ABCA13: variants seen among roughly 807,000 people sequenced by gnomAD.
ABCA13 encodes ATP-binding cassette sub-family A member 13.
Under a neutral mutation model 478.7 loss-of-function variants are expected in ABCA13, and 476 were observed. The observed-to-expected ratio is 0.99, with a 90% confidence interval of 0.92 to 1.07. The LOEUF (loss-of-function observed/expected upper bound fraction) is 1.07. ABCA13 is among the 50% of genes least tolerant of loss of function. The probability of loss-of-function intolerance (pLI) is 0.00; values close to 1 mark genes in which losing one functional copy is unlikely to be tolerated. For synonymous variants in ABCA13, 2,252 were observed against 2,158.9 expected, an observed-to-expected ratio of 1.04 and a Z score of -1.20; for missense variants, 6,060 against 5,910.6, an observed-to-expected ratio of 1.03 and a Z score of -0.83.
At chr7:48,603,355 T>C (rs1585948505) in intron 58 of ABCA13, among the ~76,000 whole-genome samples, 1 of 152,338 alleles carries the variant, frequency 6.6e-6, no homozygotes, top group South Asian at 2.1e-4. Flanking sequence ...AATATGATAG[T>C]GCCTGTGGGT....
At chr7:48,205,618 A>C (rs1784828159) in intron 3 of ABCA13, among the ~76,000 whole-genome samples, 1 of 152,228 alleles carries the variant, frequency 6.6e-6, no homozygotes, top group African/African-American at 2.4e-5. Flanking sequence ...AAGTCAGTGA[A>C]AAATATTATT....
chr7:48,466,155 A>G (rs1826853523), intron 43 of ABCA13, among the ~76,000 whole-genome samples: 1 of 152,172 alleles, frequency 6.6e-6, no homozygotes, highest in African/African-American at 2.4e-5. Context: ...GCTCATTCTC[A>G]TTCAGTCCAA....
intron 3 of ABCA13, among the ~76,000 whole-genome samples, chr7:48,213,768 C>A (rs992811839): frequency 2.0e-5 from 3 of 152,222 alleles, no homozygotes; most frequent in Non-Finnish European, 2.9e-5. Flanking sequence ...CCTTTGTTAT[C>A]ATTTCAGTAA....
intron 45 of ABCA13, among the ~76,000 whole-genome samples, chr7:48,477,503 A>C (rs1306323579): frequency 6.6e-6 from 1 of 152,002 alleles, no homozygotes; most frequent in Non-Finnish European, 1.5e-5. Flanking sequence ...ATGTCCAACA[A>C]TGATAGACTG....
At chr7:48,346,161 A>T (rs1233593485) in intron 29 of ABCA13, among the ~76,000 whole-genome samples, 1 of 152,152 alleles carries the variant, frequency 6.6e-6, no homozygotes, top group Non-Finnish European at 1.5e-5. Context: ...CTGCCTTTTT[A>T]TGCCGCATTT....
rs117812446 is a variant in ABCA13, at chr7:48,274,207, C to T, written c.4541C>T (p.Ala1514Val). The change falls in exon 17 of 62, where the codon GCA becomes GTA. Residue 1514 changes from alanine to valine, a missense_variant. Coordinates refer to ENST00000435803, the MANE Select transcript of ABCA13 (RefSeq NM_152701.5). ...AACTTAACAACAGACTTTGATTTTG[C>T]ATCTCAGTCCAATTGGAGATATTTT... is the stretch of plus-strand genomic sequence containing the variant. ...INNLTTDFDF[A>V]SQSNWRYFTE... The T allele has an allele frequency of 2.2e-4, 347 of 1,612,538 alleles. 2 individuals are homozygous for T. The East Asian group carries it at 7.2e-3, about 34-fold the overall frequency.
intron 48 of ABCA13, among the ~76,000 whole-genome samples, chr7:48,504,241 T>C (rs1585624308): frequency 6.6e-6 from 1 of 152,150 alleles, no homozygotes; most frequent in Admixed American, 6.5e-5. Context: ...AGATTGGGTT[T>C]CACTTTAAAG....
chr7:48,241,069 A>T lies in ABCA13; in HGVS notation c.1262+3A>T, dbSNP rs1790758911. ...GATAATCATACATTTCCAAAGATGT[A>T]AGTCGCATTTCCCTGTTTGATTATT... On this transcript the variant is annotated splice_donor_region_variant and intron_variant, in intron 10 of 61. Coordinates refer to ENST00000435803, the MANE Select transcript of ABCA13 (RefSeq NM_152701.5). The T allele has an allele frequency of 1.2e-6, 2 of 1,613,840 alleles. No homozygotes were observed.
chr7:48,518,915 G>A (rs1347689401), intron 52 of ABCA13, among the ~76,000 whole-genome samples: 1 of 152,036 alleles, frequency 6.6e-6, no homozygotes, highest in Non-Finnish European at 1.5e-5. Context: ...CCATCACCTA[G>A]GTATTAAGCC....
intron 47 of ABCA13, among the ~76,000 whole-genome samples, chr7:48,485,332 A>G (rs1446428170): frequency 6.6e-6 from 1 of 152,102 alleles, no homozygotes; most frequent in African/African-American, 2.4e-5. Flanking sequence ...AAAGAAGATT[A>G]ATTTCCTATT....
At position 48,489,256 on chromosome 7, in the gene ABCA13, T is replaced by C; in HGVS notation, c.13203T>C (p.Gly4401=). The C allele has an allele frequency of 1.2e-6, 2 of 1,611,892 alleles. No individual in the cohort carries two copies. The highest frequency in any genetic ancestry group is 8.5e-7 in the Non-Finnish European group (1 of 1,178,690). The change falls in exon 48 of 62, where the codon GGT becomes GGC. Residue 4401 remains glycine (G), a synonymous_variant. Coordinates refer to ENST00000435803, the MANE Select transcript of ABCA13 (RefSeq NM_152701.5). ...TLAKVWYNQK[G]FHSLPSYLNH... ...TTTAGGTGTGGTATAATCAGAAGGG[T>C]TTTCATTCCCTACCTTCCTACTTAA...
chr7:48,541,958 G>T (rs1833972366), intron 55 of ABCA13, among the ~76,000 whole-genome samples: 2 of 150,676 alleles, frequency 1.3e-5, no homozygotes, highest in Non-Finnish European at 3.0e-5. Context: ...AAAAATAATG[G>T]CCATTATGCA....
chr7:48,298,727 A>G (rs1799743716), intron 23 of ABCA13, among the ~76,000 whole-genome samples: 1 of 152,194 alleles, frequency 6.6e-6, no homozygotes, highest in Non-Finnish European at 1.5e-5. Flanking sequence ...TATTTTCTTT[A>G]TTTGGAGTTA....
intron 5 of ABCA13, among the ~76,000 whole-genome samples, chr7:48,223,478 C>A (rs1189785124): frequency 6.6e-6 from 1 of 152,014 alleles, no homozygotes. Context: ...GTTGTGGAAG[C>A]CCAGGAAGGC....
At chr7:48,405,736 A>C (rs1233548494) in intron 39 of ABCA13, among the ~76,000 whole-genome samples, 2 of 152,180 alleles carry the variant, frequency 1.3e-5, no homozygotes, top group South Asian at 4.1e-4. Flanking sequence ...AATGAGCACA[A>C]AGGTTATTTT....
intron 31 of ABCA13, among the ~76,000 whole-genome samples, chr7:48,361,037 A>G (rs1037298506): frequency 6.6e-6 from 1 of 151,626 alleles, no homozygotes; most frequent in Admixed American, 6.6e-5. Context: ...CTGAGGCTAC[A>G]GTGAGCCCAG....
intron 58 of ABCA13, among the ~76,000 whole-genome samples, chr7:48,600,601 G>T (rs1175624079): frequency 6.6e-6 from 1 of 152,054 alleles, no homozygotes; most frequent in Non-Finnish European, 1.5e-5. Flanking sequence ...GTCTAAGGAT[G>T]ATAGTATACG....
rs1262949859 is a variant in ABCA13 at position 48,580,281 on chromosome 7, C to T, written c.14412C>T (p.Pro4804=). 6.2e-7 allele frequency: 1 copy of T among 1,612,120 alleles called. No homozygotes were observed. The highest frequency in any genetic ancestry group is 1.1e-5 in the South Asian group (1 of 90,662). Residue 4804 remains proline (P), a synonymous_variant, in exon 56 of 62, where the codon CCC becomes CCT. Transcript: ENST00000435803. The part of the protein sequence containing the change: ...GTAGVLIGYC[P]QQDALDELLT... ...CAGGCGTGCTCATTGGCTACTGTCC[C>T]CAGCAGGATGCCCTGGACGAGCTTC...
At chr7:48,407,529 A>G (rs753758959) in intron 39 of ABCA13, among the ~76,000 whole-genome samples, 1 of 152,106 alleles carries the variant, frequency 6.6e-6, no homozygotes, top group Admixed American at 6.5e-5. Context: ...ATACAGCAAT[A>G]AAAATAATAC....
Sources: allele counts gnomAD v4.1 joint callset (sites outside exome capture counted in the v4.1 genomes callset), GRCh38; gene constraint gnomAD v4.1.1; transcripts MANE v1.5; gene names NCBI Gene and HGNC (gene_info 2026-07-23, HGNC 2026-07-21).